The following HSPH1 variants were observed in gnomAD, a reference collection of about 807,000 sequenced individuals.
HSPH1 encodes heat shock protein 105 kDa.
Under a neutral mutation model 100.0 loss-of-function variants are expected in HSPH1, and 40 were observed. The ratio of observed to expected loss-of-function variants is 0.40; its 90% CI spans 0.31 to 0.52. HSPH1 has a LOEUF of 0.52. Among genes scored for constraint, HSPH1 ranks in the 20% least tolerant of loss-of-function variants. The pLI, the probability that HSPH1 is intolerant of heterozygous loss-of-function variation, is 0.54. For synonymous variants in HSPH1, 403 were observed against 344.0 expected (o/e 1.17, Z -1.90); for missense variants, 876 against 1,015.1 (o/e 0.86, Z 1.86).
At chr13:31,153,138 G>C (rs1312505576) in intron 4 of HSPH1, among the ~76,000 whole-genome samples, 187 bp from the exon 5 acceptor site, 1 of 152,088 alleles carries the variant, frequency 6.6e-6, no homozygotes, top group Non-Finnish European at 1.5e-5. Flanking sequence ...TTTTGAAAAG[G>C]CTGTCCCAAA....
intron 6 of HSPH1, 36 bp downstream of exon 6, chr13:31,151,573 G>A (rs1956488650): frequency 3.2e-6 from 5 of 1,579,290 alleles, no homozygotes; most frequent in East Asian, 4.5e-5. Context: ...AACACTTAAC[G>A]TGTTTTGGAC....
At chr13:31,151,814 C>G in intron 5 of HSPH1, 72 bp from the exon 6 acceptor site, 6 of 1,329,802 alleles carry the variant, frequency 4.5e-6, no homozygotes, top group Non-Finnish European at 6.3e-6. Flanking sequence ...CATAAAATTA[C>G]ACATGCAGGA....
Position 31,137,339 on chromosome 13 carries a change from A to C in HSPH1, c.2556T>G (p.Ser852=). Residue 852 remains serine, a synonymous_variant, in exon 18 of 18, where the codon TCT becomes TCG. Transcript: ENST00000320027. ...NGECYPNEKN[S]VNMDLD is the part of the protein sequence containing the mutation. ...TTATCTAGTCCAAGTCCATATTAACAGAATTTTTCTCATTAGGGTAACATT... is the reference window on the plus strand; with the variant it reads ...TTATCTAGTCCAAGTCCATATTAACCGAATTTTTCTCATTAGGGTAACATT... 6.2e-7 allele frequency: 1 copy of C among 1,610,016 alleles called. No homozygotes were observed.
At chr13:31,149,329 T>C (rs752914172) in intron 8 of HSPH1, among the ~76,000 whole-genome samples, 7 of 152,102 alleles carry the variant, frequency 4.6e-5, no homozygotes, top group Admixed American at 6.5e-5. Flanking sequence ...TTTTAAAAAC[T>C]GCTACTAGCT....
chr13:31,155,592 A>G lies in HSPH1; in HGVS notation c.228T>C (p.Asn76=), dbSNP rs1047086. 0.42 allele frequency: 671,915 copies of G among 1,607,864 alleles called. 150,981 individuals are homozygous for G. Among genetic ancestry groups the G allele is most frequent in the Non-Finnish European group, 0.47 (553,846 of 1,175,420 alleles). The change falls in exon 3 of 18, where the codon AAT becomes AAC. Residue 76 remains asparagine, a synonymous_variant. Coordinates refer to ENST00000320027, the MANE Select transcript of HSPH1 (RefSeq NM_006644.4). ...CCTTCTCCTTTTGAATGAAGGGGTC[A>G]TTGAATGCTCGGCCATGAAATCTTT... ...NFKRFHGRAF[N]DPFIQKEKEN...
Position 31,161,646 on chromosome 13 carries a change from T to C in HSPH1, c.-64A>G, listed in dbSNP as rs1181218412. On this transcript the variant is annotated 5_prime_UTR_variant, in exon 1 of 18. Coordinates refer to ENST00000320027, the MANE Select transcript of HSPH1 (RefSeq NM_006644.4). ...TGCGTCCTCCGGCCCCCTGCCTGCT[T>C]CTCCTGCCGCCGCTTTCTGCCCTGG... is the stretch of plus-strand genomic sequence containing the variant. 1 of 1,595,142 alleles carries C rather than the reference T, an allele frequency of 6.3e-7. No homozygotes were observed. The highest frequency in any genetic ancestry group is 1.1e-5 in the South Asian group (1 of 90,142).
Position 31,161,667 on chromosome 13 carries a change from C to T in HSPH1, c.-85G>A. 1.3e-6 allele frequency: 2 copies of T among 1,576,162 alleles called. No homozygotes were observed. ...TGCTTCTCCTGCCGCCGCTTTCTGC[C>T]CTGGCCGCGTTCTGCTCCGGCCCGC... is the stretch of plus-strand genomic sequence containing the variant. On this transcript the variant is annotated 5_prime_UTR_variant, in exon 1 of 18. Transcript: ENST00000320027.
chr13:31,152,808 GTTCTGATAGTATATTCAC>G (rs1244405278), intron 5 of HSPH1, 26 bp downstream of exon 5: 2 of 1,263,440 alleles, frequency 1.6e-6, no homozygotes, highest in Non-Finnish European at 2.3e-6. Context: ...AACATCTTTA[GTTCTGATAGTATATTCAC>G]TTCCACACAA....
At position 31,137,255 on chromosome 13, in the gene HSPH1, TAG is replaced by T; in HGVS notation, c.*61_*62del. 4 of 929,388 alleles carry T rather than the reference TAG, an allele frequency of 4.3e-6. No homozygotes were observed. The highest frequency in any genetic ancestry group is 2.9e-5 in the South Asian group (2 of 68,028). The allele number at this position is 929,388 out of a possible 1,614,324, so 57.6% of individuals were successfully genotyped here. ...ATATAAATAGTTTCAGTATGTTATG[TAG>T]AGTCACATACTATGGCAAAAATATT... is the stretch of plus-strand genomic sequence containing the variant. On this transcript the variant is annotated 3_prime_UTR_variant, in exon 18 of 18. Coordinates refer to ENST00000320027, the MANE Select transcript of HSPH1 (RefSeq NM_006644.4).
chr13:31,144,993 G>T (rs572925626), intron 11 of HSPH1, among the ~76,000 whole-genome samples: 1 of 152,168 alleles, frequency 6.6e-6, no homozygotes, highest in East Asian at 1.9e-4. Flanking sequence ...TGTAATTATT[G>T]TAATACTTTA....
chr13:31,160,176 T>C (rs763958424), intron 1 of HSPH1, among the ~76,000 whole-genome samples: 8 of 152,340 alleles, frequency 5.3e-5, no homozygotes, highest in Non-Finnish European at 8.8e-5. Context: ...CTTTGTTTTA[T>C]TGGATCAACC....
chr13:31,161,097 G>C (rs12856058), intron 1 of HSPH1, among the ~76,000 whole-genome samples: 5 of 152,198 alleles, frequency 3.3e-5, no homozygotes, highest in Admixed American at 6.5e-5. Flanking sequence ...GTGGGGATAC[G>C]GGGGCGGCCG....
chr13:31,144,890 G>C (rs2137568003), intron 11 of HSPH1, among the ~76,000 whole-genome samples: 1 of 152,242 alleles, frequency 6.6e-6, no homozygotes, highest in East Asian at 1.9e-4. Context: ...AAAGGTAACA[G>C]TGATCACTAG....
chr13:31,154,816 TA>T, intron 3 of HSPH1, 61 bp from the exon 4 acceptor site: 1 of 1,452,764 alleles, frequency 6.9e-7, no homozygotes, highest in Non-Finnish European at 9.4e-7. Context: ...TGCCAATATT[TA>T]ACTTCCAAAA....
intron 6 of HSPH1, 160 bp downstream of exon 6, chr13:31,151,449 C>T: frequency 4.3e-6 from 3 of 705,458 alleles, no homozygotes; most frequent in Non-Finnish European, 6.8e-6. Context: ...ATTACATCAT[C>T]TTTATGGAGC....
chr13:31,150,146 T>C lies in HSPH1; in HGVS notation c.945A>G (p.Gln315=). 6.2e-7 allele frequency: 1 copy of C among 1,607,770 alleles called. No homozygotes were observed. Among genetic ancestry groups the C allele is most frequent in the Non-Finnish European group, 8.5e-7 (1 of 1,175,630 alleles). The part of the protein sequence containing the change: ...QFEELCAELL[Q]KIEVPLYSLL... ...GTGAATAAAGGGGTACTTCTATCTT[T>C]TGCAGAAGTTCAGCACAGAGTTCTT... is the stretch of plus-strand genomic sequence containing the variant. The change falls in exon 8 of 18, where the codon CAA becomes CAG. Residue 315 remains glutamine, a synonymous_variant. Coordinates refer to ENST00000320027, the MANE Select transcript of HSPH1 (RefSeq NM_006644.4).
upstream of HSPH1, chr13:31,161,968 C>A (rs750150846): frequency 5.0e-5 from 77 of 1,536,052 alleles, 3 homozygotes; most frequent in Middle Eastern, 6.0e-3. Context: ...CCAGAATCTG[C>A]GGCATTTACT....
upstream of HSPH1, chr13:31,162,147 T>A (rs1444074239): frequency 9.4e-6 from 14 of 1,488,920 alleles, no homozygotes; most frequent in Non-Finnish European, 1.1e-5. Flanking sequence ...CTCCGCCCAC[T>A]CCCGCCCTAG....
At chr13:31,147,855 C>G in intron 10 of HSPH1, 104 bp downstream of exon 10, 2 of 899,880 alleles carry the variant, frequency 2.2e-6, no homozygotes, top group East Asian at 5.5e-5. Context: ...GAATTATGTT[C>G]CCCTCAACAT....
Sources: gnomAD v4.1 joint callset for allele counts (sites outside exome capture counted in the v4.1 genomes callset) on GRCh38, gnomAD v4.1.1 for gene constraint, MANE v1.5 for transcripts, NCBI Gene and HGNC (gene_info 2026-07-23, HGNC 2026-07-21) for gene names.